DPP6: variants seen among roughly 807,000 people sequenced by gnomAD.
DPP6 encodes the protein dipeptidyl peptidase like 6.
A neutral mutation model predicts 122.6 loss-of-function variants in DPP6; 69 were observed. The ratio of observed to expected loss-of-function variants is 0.56; its 90% CI spans 0.46 to 0.69. The LOEUF is 0.69. DPP6 is among the 30% of genes least tolerant of loss of function. The pLI, the probability that DPP6 is intolerant of heterozygous loss-of-function variation, is 0.00. For missense variants in DPP6, 928 were observed against 1,116.9 expected (o/e 0.83, Z 2.41); for synonymous variants, 418 against 433.1 (o/e 0.97, Z 0.43).
intron 2 of DPP6, among the ~76,000 whole-genome samples, chr7:154,474,447 AC>A (rs558247448): frequency 1.1e-3 from 173 of 152,358 alleles, no homozygotes; most frequent in Non-Finnish European, 2.0e-3. Flanking sequence ...GAACTAACCC[AC>A]AACCCAGAGA....
At chr7:154,079,304 T>A (rs1021845121) in intron 1 of DPP6, among the ~76,000 whole-genome samples, 4 of 151,924 alleles carry the variant, frequency 2.6e-5, no homozygotes, top group Admixed American at 6.6e-5. Flanking sequence ...ACTCACAAAG[T>A]TTTATTGGGC....
At chr7:154,096,718 T>C (rs1050652442) in intron 1 of DPP6, among the ~76,000 whole-genome samples, 1 of 152,130 alleles carries the variant, frequency 6.6e-6, no homozygotes, top group African/African-American at 2.4e-5. Flanking sequence ...TTATAAACAA[T>C]AGATTAAAAA....
At chr7:154,293,835 A>G (rs763603919) in intron 1 of DPP6, among the ~76,000 whole-genome samples, 14 of 152,174 alleles carry the variant, frequency 9.2e-5, no homozygotes, top group Non-Finnish European at 1.6e-4. Context: ...TCTTGATTTC[A>G]GTCTAGGTGA....
chr7:154,197,928 G>T (rs1203345660), intron 1 of DPP6, among the ~76,000 whole-genome samples: 1 of 152,048 alleles, frequency 6.6e-6, no homozygotes, highest in Non-Finnish European at 1.5e-5. Context: ...CAGCAGGAGC[G>T]GCCCACCCAG....
intron 1 of DPP6, among the ~76,000 whole-genome samples, chr7:154,083,128 C>T (rs181003734): frequency 3.8e-4 from 58 of 152,150 alleles, no homozygotes; most frequent in Middle Eastern, 3.4e-3. Context: ...GGATTACAGG[C>T]GTGAGCCACC....
intron 1 of DPP6, among the ~76,000 whole-genome samples, chr7:153,931,931 G>A (rs1338911425): frequency 6.6e-6 from 1 of 152,170 alleles, no homozygotes; most frequent in African/African-American, 2.4e-5. Context: ...CTAATTTATA[G>A]CATGGCAGAA....
chr7:154,415,672 A>C (rs2151215872), intron 1 of DPP6, among the ~76,000 whole-genome samples: 1 of 148,456 alleles, frequency 6.7e-6, no homozygotes, highest in South Asian at 2.2e-4. Flanking sequence ...CAGCAGTTGA[A>C]CTCTTTTAGA....
chr7:153,865,887 G>A, the DPP6 span, among the ~76,000 whole-genome samples: 17 of 144,764 alleles, frequency 1.2e-4, no homozygotes, highest in Non-Finnish European at 2.1e-4. Flanking sequence ...CCACCTATGA[G>A]TGAGAACATG....
chr7:153,866,415 A>AT, the DPP6 span, among the ~76,000 whole-genome samples: 1 of 152,024 alleles, frequency 6.6e-6, no homozygotes, highest in Admixed American at 6.6e-5. Flanking sequence ...GATGATGAGC[A>AT]TTTTTTCATG....
At chr7:154,303,436 AC>A (rs1806044984) in intron 1 of DPP6, among the ~76,000 whole-genome samples, 1 of 152,118 alleles carries the variant, frequency 6.6e-6, no homozygotes, top group South Asian at 2.1e-4. Flanking sequence ...CAGAGACGTG[AC>A]CAAGGAGGGA....
chr7:154,134,792 T>G (rs2150643735), intron 1 of DPP6, among the ~76,000 whole-genome samples: 1 of 152,290 alleles, frequency 6.6e-6, no homozygotes, highest in East Asian at 1.9e-4. Flanking sequence ...GAGCCCACAC[T>G]TCTTGTGAGT....
intron 6 of DPP6, among the ~76,000 whole-genome samples, chr7:154,666,792 A>G (rs1586847943): frequency 6.6e-6 from 1 of 152,248 alleles, no homozygotes; most frequent in African/African-American, 2.4e-5. Flanking sequence ...TAAAACTGCA[A>G]TAAATACAAA....
At chr7:154,124,419 G>A (rs1485540922) in intron 1 of DPP6, among the ~76,000 whole-genome samples, 1 of 152,124 alleles carries the variant, frequency 6.6e-6, no homozygotes, top group African/African-American at 2.4e-5. Context: ...AGCTTGTCAT[G>A]GGACATGTAA....
At chr7:154,799,763 A>AC (rs1184284572) in intron 12 of DPP6, among the ~76,000 whole-genome samples, 2 of 152,226 alleles carry the variant, frequency 1.3e-5, no homozygotes, top group Non-Finnish European at 2.9e-5. Flanking sequence ...TTATCCAGAG[A>AC]GACTAGAAAC....
At chr7:153,857,263 A>G in the DPP6 span, among the ~76,000 whole-genome samples, 1 of 151,514 alleles carries the variant, frequency 6.6e-6, no homozygotes, top group African/African-American at 2.4e-5. Context: ...TTATTTAGAA[A>G]ACATTGGCCA....
At chr7:153,883,884 T>C (rs991692989), upstream of DPP6, among the ~76,000 whole-genome samples, 1 of 152,216 alleles carries the variant, frequency 6.6e-6, no homozygotes, top group African/African-American at 2.4e-5. Flanking sequence ...GGTCACAAGC[T>C]GGGCAGGAGG....
At chr7:154,766,734 G>T (rs545961937) in intron 8 of DPP6, among the ~76,000 whole-genome samples, 21 of 152,312 alleles carry the variant, frequency 1.4e-4, no homozygotes, top group Admixed American at 7.2e-4. Context: ...AGTATTCTCA[G>T]CCCAGCCTTG....
intron 1 of DPP6, among the ~76,000 whole-genome samples, chr7:153,941,232 GT>G (rs1373981814): frequency 1.3e-5 from 2 of 152,130 alleles, no homozygotes; most frequent in Admixed American, 1.3e-4. Flanking sequence ...TGTTGTCATT[GT>G]AAACCAGCCA....
chr7:154,008,108 A>G (rs1472994493), intron 1 of DPP6, among the ~76,000 whole-genome samples: 2 of 152,124 alleles, frequency 1.3e-5, no homozygotes, highest in Admixed American at 6.5e-5. Context: ...CATGAAACCT[A>G]TGCTTTTACT....
Sources: gnomAD v4.1 joint callset for allele counts (sites outside exome capture counted in the v4.1 genomes callset) on GRCh38, gnomAD v4.1.1 for gene constraint, MANE v1.5 for transcripts, NCBI Gene and HGNC (gene_info 2026-07-23, HGNC 2026-07-21) for gene names.